Variants in KIAA1210 observed in about 807,000 individuals in gnomAD.
KIAA1210 encodes the protein acrosomal protein KIAA1210.
In KIAA1210, 48 loss-of-function variants were observed where a neutral mutation model predicts 78.9. The ratio of observed to expected loss-of-function variants is 0.61; its 90% CI spans 0.48 to 0.77. The LOEUF is 0.77. KIAA1210 is among the 30% of genes least tolerant of loss of function. The pLI is 0.00. For missense variants in KIAA1210, 1,108 were observed against 1,100.0 expected, an observed-to-expected ratio of 1.01 and a Z score of -0.10; for synonymous variants, 406 against 404.5, an observed-to-expected ratio of 1.00 and a Z score of -0.04.
chrX:119,098,811 G>T (rs1381161241), intron 6 of KIAA1210, among the ~76,000 whole-genome samples: 1 of 111,011 alleles, frequency 9.0e-6, no homozygotes, highest in African/African-American at 3.3e-5. Flanking sequence ...CATGAAGAAG[G>T]GTTTTTATCT....
chrX:119,109,024 G>C, intron 4 of KIAA1210, 52 bp downstream of exon 4: 1 of 1,185,677 alleles, frequency 8.4e-7, no homozygotes, highest in South Asian at 1.8e-5. Flanking sequence ...TTAGAGTAGG[G>C]AACAGAAGAG....
intron 8 of KIAA1210, 43 bp downstream of exon 8, chrX:119,093,624 G>T: frequency 9.9e-7 from 1 of 1,011,993 alleles, no homozygotes; most frequent in Non-Finnish European, 1.4e-6. Context: ...GTGCAATGAA[G>T]TCTGTCATAC....
At chrX:119,132,588 T>C (rs901438680), upstream of KIAA1210, among the ~76,000 whole-genome samples, 2 of 111,022 alleles carry the variant, frequency 1.8e-5, no homozygotes, top group East Asian at 5.7e-4. Flanking sequence ...CTCAGCTTGT[T>C]TGAGATGGCT....
chrX:119,148,765 G>T (rs756673566), intron 1 of KIAA1210, among the ~76,000 whole-genome samples: 15 of 111,282 alleles, frequency 1.3e-4, no homozygotes, highest in Non-Finnish European at 2.6e-4. Context: ...ATGGAGTCAA[G>T]GCCCACAAGA....
At chrX:119,100,108 G>A (rs778097406) in intron 6 of KIAA1210, among the ~76,000 whole-genome samples, 1 of 109,978 alleles carries the variant, frequency 9.1e-6, no homozygotes, top group South Asian at 4.0e-4. Flanking sequence ...AGATCGCGAG[G>A]TCAGGAGATC....
chrX:119,114,718 G>C (rs1201232738), intron 3 of KIAA1210, among the ~76,000 whole-genome samples: 3 of 111,772 alleles, frequency 2.7e-5, no homozygotes, highest in Non-Finnish European at 5.6e-5. Flanking sequence ...TAACCAAAGT[G>C]AAATGGTTGA....
chrX:119,081,288 AACT>A lies in KIAA1210; in HGVS notation c.*38_*40del, dbSNP rs759821109. On this transcript the variant is annotated 3_prime_UTR_variant, in exon 12 of 12. Coordinates refer to ENST00000691062, the MANE Select transcript of KIAA1210 (RefSeq NM_001394962.1). The stretch of plus-strand genomic sequence containing the variant: ...TCTCAAAAAAAAAAAAAAAAAAAAA[AACT>A]AAATAAAATAAATGCTGATGCTCCA... 97 of 966,777 alleles carry A rather than the reference AACT, an allele frequency of 1.0e-4. No individual in the cohort carries two copies. The African/African-American group carries it at 1.7e-3, about 17-fold the overall frequency. 79.7% of individuals were successfully genotyped at this position (966,777 alleles called of 1,213,427 possible).
intron 2 of KIAA1210, among the ~76,000 whole-genome samples, chrX:119,142,559 C>T (rs1377345020): frequency 1.8e-5 from 2 of 110,002 alleles, no homozygotes; most frequent in East Asian, 5.7e-4. Flanking sequence ...GGGTGAATCA[C>T]CTGAGGTCAG....
chrX:119,090,535 G>T (rs1450554529), intron 8 of KIAA1210, among the ~76,000 whole-genome samples: 1 of 109,447 alleles, frequency 9.1e-6, no homozygotes, highest in Non-Finnish European at 1.9e-5. Flanking sequence ...CTCCCAAAGT[G>T]CTGGGATTAC....
In KIAA1210 at chrX:119,079,786, A is replaced by G. The variant is rs1358189699; in HGVS notation, c.*1543T>C. ...GGTCACTGGAAGGTAGGGTCTCTCC[A>G]GCCTAGTAACTTTTGAGGTGTGTGC... On this transcript the variant is annotated 3_prime_UTR_variant, in exon 12 of 12. Coordinates refer to ENST00000691062, the MANE Select transcript of KIAA1210 (RefSeq NM_001394962.1). 1.8e-5 allele frequency: 2 copies of G among 111,473 alleles called. No individual in the cohort carries two copies. The highest frequency in any genetic ancestry group is 1.9e-4 in the Admixed American group (2 of 10,525). The allele number at this position is 111,473 out of a possible 1,213,427, so 9.2% of individuals were successfully genotyped here.
At chrX:119,093,182 C>A (rs1468843762) in intron 8 of KIAA1210, among the ~76,000 whole-genome samples, 1 of 111,903 alleles carries the variant, frequency 8.9e-6, no homozygotes, top group Non-Finnish European at 1.9e-5. Context: ...AGGATGTGGG[C>A]AATAGTATCA....
chrX:119,118,165 C>T (rs1420248755), intron 2 of KIAA1210, among the ~76,000 whole-genome samples: 4 of 111,891 alleles, frequency 3.6e-5, no homozygotes, highest in East Asian at 5.6e-4. Context: ...ATGCAGCAGC[C>T]ATCATGAAAG....
chrX:119,102,766 A>G lies in KIAA1210; in HGVS notation c.648+2226T>C, dbSNP rs144822777. Among the ~76,000 whole-genome samples the G allele has an allele frequency of 1.5e-3, 167 of 112,114 alleles. 1 individual carries two copies. Among genetic ancestry groups the G allele is most frequent in the African/African-American group, 5.0e-3 (154 of 30,916 alleles). ...CAATGTGACTGAGGCCAGGGAATTT[A>G]ATCAGCCCAAACTTTAAGCTTTAAG... On this transcript the variant is annotated intron_variant, in intron 6 of 11. Transcript: ENST00000691062.
chrX:119,119,836 C>T (rs975164981), intron 2 of KIAA1210, among the ~76,000 whole-genome samples: 10 of 110,152 alleles, frequency 9.1e-5, no homozygotes, highest in African/African-American at 1.3e-4. Flanking sequence ...ATTAGCTGGG[C>T]GCGGTGGCAG....
At chrX:119,082,813 A>C (rs1387076976) in intron 11 of KIAA1210, among the ~76,000 whole-genome samples, 1 of 112,329 alleles carries the variant, frequency 8.9e-6, no homozygotes, top group African/African-American at 3.2e-5. Flanking sequence ...ACCCTCTGAA[A>C]GTTATACACT....
intron 1 of KIAA1210, among the ~76,000 whole-genome samples, chrX:119,127,479 T>TTTGTAGCA (rs1359908662): frequency 9.0e-6 from 1 of 111,568 alleles, no homozygotes; most frequent in African/African-American, 3.3e-5. Context: ...TCTGAAATTC[T>TTTGTAGCA]TTGTAGCATA....
chrX:119,134,806 G>T (rs1928874918), intron 2 of KIAA1210, among the ~76,000 whole-genome samples: 1 of 112,105 alleles, frequency 8.9e-6, no homozygotes, highest in Non-Finnish European at 1.9e-5. Flanking sequence ...CTCTCTAGTG[G>T]CCTAGAAGCC....
chrX:119,096,489 C>T lies in KIAA1210; in HGVS notation c.846+5G>A. On this transcript the variant is annotated splice_donor_5th_base_variant and intron_variant, in intron 7 of 11. Coordinates refer to ENST00000691062, the MANE Select transcript of KIAA1210 (RefSeq NM_001394962.1). ...GTTTAGTGCCCTGTCTCTTGAAGGA[C>T]TTACAATCACTTGAAGGTTCTTCTT... The T allele has an allele frequency of 8.3e-7, 1 of 1,201,291 alleles. No individual in the cohort carries two copies. Among genetic ancestry groups the T allele is most frequent in the Non-Finnish European group, 1.1e-6 (1 of 888,634 alleles).
In KIAA1210 at chrX:119,089,455, TC is replaced by T; in HGVS notation, c.1246del (p.Asp416ThrfsTer33). ...TGAAGTTGTAGGCTGCTCCATGTTG[TC>T]CTTCTCTAAGGACAAGTGCGAGAAA... ...VPFSHLSLEK[D>X]NMEQPTTSQP... On this transcript the variant is annotated frameshift_variant, in exon 9 of 12. Transcript: ENST00000691062. LOFTEE classifies it high-confidence loss of function. 1 of 1,212,090 alleles carries T rather than the reference TC, an allele frequency of 8.3e-7. No homozygotes were observed. Among genetic ancestry groups the T allele is most frequent in the Non-Finnish European group, 1.1e-6 (1 of 895,528 alleles).
Sources: allele counts gnomAD v4.1 joint callset (sites outside exome capture counted in the v4.1 genomes callset), GRCh38; gene constraint gnomAD v4.1.1; transcripts MANE v1.5; gene names NCBI Gene and HGNC (gene_info 2026-07-23, HGNC 2026-07-21).